The following SPTSSA variants were observed in gnomAD, a reference collection of about 807,000 sequenced individuals.
SPTSSA encodes small subunit of serine palmitoyltransferase A.
Under a neutral mutation model 9.1 loss-of-function variants are expected in SPTSSA, and 8 were observed. The observed-to-expected ratio is 0.88, with a 90% CI of 0.51 to 1.58. The LOEUF is 1.58. Ranked by LOEUF, SPTSSA falls within the 40% of genes most tolerant of loss-of-function variation. The pLI, the probability that SPTSSA is intolerant of heterozygous loss-of-function variation, is 0.00. For missense variants in SPTSSA, 100 were observed against 93.8 expected, an observed-to-expected ratio of 1.07 and a Z score of -0.27; for synonymous variants, 42 against 37.7, an observed-to-expected ratio of 1.11 and a Z score of -0.41.
At chr14:34,456,051 C>T (rs150426982) in intron 1 of SPTSSA, among the ~76,000 whole-genome samples, 143 of 152,048 alleles carry the variant, frequency 9.4e-4, no homozygotes, top group African/African-American at 3.3e-3. Flanking sequence ...TGGCTGGGCG[C>T]GGTGGCTCAC....
At chr14:34,443,806 G>A (rs1438214244) in intron 1 of SPTSSA, among the ~76,000 whole-genome samples, 3 of 152,048 alleles carry the variant, frequency 2.0e-5, no homozygotes, top group Non-Finnish European at 1.5e-5. Flanking sequence ...AAAGTGCTGG[G>A]ATTACAGATA....
At chr14:34,437,240 C>A (rs1390853829) in intron 1 of SPTSSA, among the ~76,000 whole-genome samples, 3 of 152,196 alleles carry the variant, frequency 2.0e-5, no homozygotes, top group Non-Finnish European at 4.4e-5. Flanking sequence ...TCTCAAAAAA[C>A]AAACAGAAAA....
At chr14:34,459,312 A>G (rs1403288840) in intron 1 of SPTSSA, among the ~76,000 whole-genome samples, 1 of 149,196 alleles carries the variant, frequency 6.7e-6, no homozygotes, top group Non-Finnish European at 1.5e-5. Context: ...TACAAAAATT[A>G]GCTGGGCGTG....
chr14:34,451,680 T>C (rs1449848983), intron 1 of SPTSSA, among the ~76,000 whole-genome samples: 4 of 140,340 alleles, frequency 2.9e-5, no homozygotes, highest in South Asian at 4.4e-4. Context: ...ATCGCGCCAC[T>C]GCACTCCTGC....
chr14:34,459,694 T>C (rs1034006071), intron 1 of SPTSSA, among the ~76,000 whole-genome samples: 5 of 151,210 alleles, frequency 3.3e-5, no homozygotes, highest in African/African-American at 1.2e-4. Flanking sequence ...GGCAGGAGAA[T>C]CGCTTGAACC....
chr14:34,451,021 ATTT>A (rs770553832), intron 1 of SPTSSA, among the ~76,000 whole-genome samples: 1 of 142,542 alleles, frequency 7.0e-6, no homozygotes, highest in Non-Finnish European at 1.5e-5. Context: ...AGAAATAAAG[ATTT>A]TTTTTTTTTT....
chr14:34,436,625 G>T (rs923196451), intron 1 of SPTSSA, among the ~76,000 whole-genome samples: 1 of 152,112 alleles, frequency 6.6e-6, no homozygotes, highest in African/African-American at 2.4e-5. Context: ...TGTATAACAG[G>T]TTAGTTGACA....
chr14:34,437,026 T>G (rs1005173171), intron 1 of SPTSSA, among the ~76,000 whole-genome samples: 4 of 152,266 alleles, frequency 2.6e-5, no homozygotes, highest in African/African-American at 9.6e-5. Context: ...CACCATCTGA[T>G]TCTTACTCCT....
Position 34,433,088 on chromosome 14 carries a change from A to T in SPTSSA, c.*2113T>A, listed in dbSNP as rs1196996245. ...CAAATAGACCAGACATTTGCATCAG[A>T]CAGTGAGCATAAACTTCTCTGATCA... On this transcript the variant is annotated 3_prime_UTR_variant, in exon 2 of 2. Coordinates refer to ENST00000298130, the MANE Select transcript of SPTSSA (RefSeq NM_138288.4). The T allele has an allele frequency of 6.6e-6, 1 of 152,234 alleles. No homozygotes were observed. The highest frequency in any genetic ancestry group is 2.4e-5 in the African/African-American group (1 of 41,462). 9.4% of individuals were successfully genotyped at this position (152,234 alleles called of 1,614,324 possible).
rs1300845006 is a variant in SPTSSA, at chr14:34,443,197, GGGTGT to G, written c.113-7898_113-7894del. ...TTTTGAGATTGAGTTTTCCTCTAGG[GGGTGT>G]GTGTGTGTGTGTGTGTGTGTGTGTG... On this transcript the variant is annotated intron_variant, in intron 1 of 1. Transcript: ENST00000298130. Among the ~76,000 whole-genome samples, 67 of 17,962 alleles carry G rather than the reference GGGTGT, an allele frequency of 3.7e-3. 8 individuals are homozygous for G. The highest frequency in any genetic ancestry group is 0.014 in the African/African-American group (59 of 4,200). 11.8% of individuals were successfully genotyped at this position (17,962 alleles called of 152,430 possible). A position where few individuals can be genotyped will look rare whatever the true frequency, so the allele number is the denominator to read the frequency against.
chr14:34,460,213 G>A (rs976341424), intron 1 of SPTSSA, among the ~76,000 whole-genome samples: 2 of 152,080 alleles, frequency 1.3e-5, no homozygotes, highest in African/African-American at 4.8e-5. Context: ...ATTCAAGACT[G>A]GCTTATGTCA....
intron 1 of SPTSSA, among the ~76,000 whole-genome samples, chr14:34,440,026 ATGCTCATAAAGCT>A (rs1883293809): frequency 6.6e-6 from 1 of 152,222 alleles, no homozygotes; most frequent in South Asian, 2.1e-4. Flanking sequence ...TTATTCCTTA[ATGCTCATAAAGCT>A]CCTTTAATAC....
intron 1 of SPTSSA, among the ~76,000 whole-genome samples, chr14:34,443,609 C>T (rs1594619604): frequency 6.8e-6 from 1 of 148,040 alleles, no homozygotes; most frequent in South Asian, 2.1e-4. Flanking sequence ...AGTCTTAGCT[C>T]ACTGCAACCT....
rs1195683380 is a variant in SPTSSA, at chr14:34,437,175, T to C, written c.113-1871A>G. The stretch of plus-strand genomic sequence containing the variant: ...TAGTGCCAGCTACTCTGGAGGCTGA[T>C]GTGAGCCGGAAGGGCACCACTGCAC... On this transcript the variant is annotated intron_variant, in intron 1 of 1. Coordinates refer to ENST00000298130, the MANE Select transcript of SPTSSA (RefSeq NM_138288.4). 3.3e-5 allele frequency among the ~76,000 whole-genome samples: 5 copies of C among 152,188 alleles called. No homozygotes were observed. In the East Asian group the frequency reaches 9.6e-4, roughly 29 times the overall value.
intron 1 of SPTSSA, among the ~76,000 whole-genome samples, chr14:34,441,464 T>G (rs1169393809): frequency 6.6e-6 from 1 of 152,204 alleles, no homozygotes; most frequent in Non-Finnish European, 1.5e-5. Context: ...TGTACTTTCA[T>G]TTTCAATAAA....
At chr14:34,459,453 C>T (rs1199578243) in intron 1 of SPTSSA, among the ~76,000 whole-genome samples, 2 of 132,856 alleles carry the variant, frequency 1.5e-5, no homozygotes, top group East Asian at 4.7e-4. Flanking sequence ...AGCGAGACAC[C>T]GTCTCAAAAA....
chr14:34,445,066 G>A (rs748368056), intron 1 of SPTSSA, among the ~76,000 whole-genome samples: 18 of 152,062 alleles, frequency 1.2e-4, no homozygotes, highest in Non-Finnish European at 2.4e-4. Context: ...CCCCAGCCTG[G>A]GCAACAGAGC....
intron 1 of SPTSSA, among the ~76,000 whole-genome samples, chr14:34,439,153 G>A (rs1883282816): frequency 6.6e-6 from 1 of 152,160 alleles, no homozygotes; most frequent in South Asian, 2.1e-4. Flanking sequence ...CATATAGTTG[G>A]CATTGCTTTG....
chr14:34,436,701 T>A (rs1883246542), intron 1 of SPTSSA, among the ~76,000 whole-genome samples: 2 of 152,186 alleles, frequency 1.3e-5, no homozygotes, highest in African/African-American at 4.8e-5. Flanking sequence ...GTTTATTATG[T>A]TCATCACTAA....
Sources: gnomAD v4.1 joint callset for allele counts (sites outside exome capture counted in the v4.1 genomes callset) on GRCh38, gnomAD v4.1.1 for gene constraint, MANE v1.5 for transcripts, NCBI Gene and HGNC (gene_info 2026-07-23, HGNC 2026-07-21) for gene names.